The following NPAS2 variants were observed in gnomAD, a reference collection of about 807,000 sequenced individuals.
NPAS2 encodes the protein neuronal PAS domain protein 2.
NPAS2 carries 23 observed loss-of-function variants against 107.5 expected under a neutral mutation model. The ratio of observed to expected loss-of-function variants is 0.21; its 90% CI spans 0.15 to 0.30. The LOEUF (loss-of-function observed/expected upper bound fraction) is 0.30, where lower values mean the gene tolerates loss of function less well. Among genes scored for constraint, NPAS2 ranks in the 10% least tolerant of loss-of-function variants. NPAS2 has a pLI of 1.00. For synonymous variants in NPAS2, 403 were observed against 417.5 expected (o/e 0.97, Z 0.42); for missense variants, 756 against 1,043.3 (o/e 0.72, Z 3.79).
chr2:100,836,018 T>G lies in NPAS2; in HGVS notation c.-23+15604T>G, dbSNP rs191183536. On this transcript the variant is annotated intron_variant, in intron 1 of 20. Transcript: ENST00000335681. Reference sequence around the variant, plus strand: ...GGGGAGTATCTCCGTAGTGATTCACTTAACTGATTAAGGGCAGTTCAGAGC... The same window carrying G: ...GGGGAGTATCTCCGTAGTGATTCACGTAACTGATTAAGGGCAGTTCAGAGC... Among the ~76,000 whole-genome samples, 4 of 152,316 alleles carry G rather than the reference T, an allele frequency of 2.6e-5. No individual in the cohort carries two copies. The East Asian group carries it at 7.7e-4, about 29-fold the overall frequency.
chr2:100,946,157 C>T (rs1479585470), intron 5 of NPAS2, among the ~76,000 whole-genome samples: 1 of 152,202 alleles, frequency 6.6e-6, no homozygotes, highest in East Asian at 1.9e-4. Flanking sequence ...CTGCCACGTG[C>T]TGTTTTATCA....
chr2:100,863,465 T>C (rs1355476404), intron 1 of NPAS2, among the ~76,000 whole-genome samples: 1 of 152,154 alleles, frequency 6.6e-6, no homozygotes, highest in Non-Finnish European at 1.5e-5. Context: ...GGCCACACAG[T>C]CCGTGGGCCC....
Position 100,974,911 on chromosome 2 carries a change from A to G in NPAS2, c.1249A>G (p.Lys417Glu), listed in dbSNP as rs749718303. 105 of 1,613,902 alleles carry G rather than the reference A, an allele frequency of 6.5e-5. 1 individual carries two copies. The South Asian group carries it at 1.1e-3, about 17-fold the overall frequency. Reference sequence around the variant, plus strand: ...ATCGGCGTCCTCAAGAAGTTCCCACAAATCCTCGCACACAGCCATGTCAGA... The same window carrying G: ...ATCGGCGTCCTCAAGAAGTTCCCACGAATCCTCGCACACAGCCATGTCAGA... ...SPSASSRSSH[K>E]SSHTAMSEPT... Residue 417 changes from lysine (K) to glutamate (E), a missense_variant, in exon 13 of 21, where the codon AAA becomes GAA. By Grantham distance (56) the Lys-to-Glu change is moderately conservative. Transcript: ENST00000335681.
chr2:100,917,014 A>T (rs1682921296), intron 2 of NPAS2, among the ~76,000 whole-genome samples: 1 of 152,196 alleles, frequency 6.6e-6, no homozygotes, highest in South Asian at 2.1e-4. Flanking sequence ...GGTTGCCGCT[A>T]CAGCAATGCT....
chr2:100,854,158 CAAAAAAAAAAAA>C (rs70943046), intron 1 of NPAS2, among the ~76,000 whole-genome samples: 13 of 59,596 alleles, frequency 2.2e-4, no homozygotes, highest in South Asian at 9.4e-4. Context: ...CCTGCCTCAA[CAAAAAAAAAAAA>C]AAAAAAAAAA....
intron 1 of NPAS2, among the ~76,000 whole-genome samples, chr2:100,898,330 G>A (rs1681551313): frequency 6.6e-6 from 1 of 152,076 alleles, no homozygotes; most frequent in Non-Finnish European, 1.5e-5. Flanking sequence ...TGATATTATG[G>A]GCATGAGCCA....
In NPAS2 at chr2:100,914,674, C is replaced by T. The variant is rs972020013; in HGVS notation, c.32+9888C>T. ...CTTATTAACAGCCCCTGCCACCAGG[C>T]TTTTATATTCTCTGTTCCCACCCTT... On this transcript the variant is annotated intron_variant, in intron 2 of 20. Transcript: ENST00000335681. Among the ~76,000 whole-genome samples the T allele has an allele frequency of 4.6e-5, 7 of 152,304 alleles. No homozygotes were observed. The South Asian group carries it at 1.2e-3, about 27-fold the overall frequency.
chr2:100,995,067 C>T, intron 20 of NPAS2: 1 of 297,876 alleles, frequency 3.4e-6, no homozygotes, highest in Non-Finnish European at 6.2e-6. Flanking sequence ...CAGGTTCCAT[C>T]ATCCAAAAAC....
At chr2:100,879,775 T>A (rs557761380) in intron 1 of NPAS2, among the ~76,000 whole-genome samples, 61 of 152,334 alleles carry the variant, frequency 4.0e-4, no homozygotes, top group African/African-American at 1.4e-3. Context: ...GGATTTCACT[T>A]TTTTAGGTTA....
chr2:100,855,353 C>G (rs1168585163), intron 1 of NPAS2, among the ~76,000 whole-genome samples: 2 of 152,212 alleles, frequency 1.3e-5, no homozygotes, highest in African/African-American at 4.8e-5. Context: ...TAGCCTGTCT[C>G]ACGAAGGCCT....
At position 100,973,933 on chromosome 2, in the gene NPAS2, C is replaced by T. The variant is rs184825931; in HGVS notation, c.1141-870C>T. Among the ~76,000 whole-genome samples the T allele has an allele frequency of 7.5e-3, 1,136 of 152,312 alleles. 21 individuals are homozygous for T. Among genetic ancestry groups the T allele is most frequent in the African/African-American group, 0.026 (1,085 of 41,552 alleles). ...CTCAGCTCACTGCAACCTCTGCCTC[C>T]GAAGTTCAAACCATTCTCCTGCCTC... On this transcript the variant is annotated intron_variant, in intron 12 of 20. Coordinates refer to ENST00000335681, the MANE Select transcript of NPAS2 (RefSeq NM_002518.4).
At position 100,929,944 on chromosome 2, in the gene NPAS2, G is replaced by A. The variant is rs116763627; in HGVS notation, c.182-2966G>A. ...TCAGCATTGCTATTTTCTCAGCTTC[G>A]GAAATGAATTTTAATCCTGAACTGT... On this transcript the variant is annotated intron_variant, in intron 3 of 20. Coordinates refer to ENST00000335681, the MANE Select transcript of NPAS2 (RefSeq NM_002518.4). 6.7e-3 allele frequency among the ~76,000 whole-genome samples: 1,016 copies of A among 152,268 alleles called. 15 individuals carry two copies. Among genetic ancestry groups the A allele is most frequent in the African/African-American group, 0.022 (923 of 41,552 alleles).
chr2:100,933,045 A>G (rs1389087065), intron 4 of NPAS2, 44 bp downstream of exon 4: 3 of 1,407,980 alleles, frequency 2.1e-6, no homozygotes, highest in South Asian at 1.2e-5. Context: ...GCCAGTTAAA[A>G]TGTAGCTACT....
In NPAS2 at chr2:100,993,982, A is replaced by G. The variant is rs561929316; in HGVS notation, c.2292+455A>G. On this transcript the variant is annotated intron_variant, in intron 20 of 20. Coordinates refer to ENST00000335681, the MANE Select transcript of NPAS2 (RefSeq NM_002518.4). ...AGTGATGTGTGAAATTGGGCTTGCC[A>G]GGAAAATTTGGAGCTCATTTACATG... 3.4e-3 allele frequency: 531 copies of G among 154,768 alleles called. 4 individuals carry two copies. Among genetic ancestry groups the G allele is most frequent in the Middle Eastern group, 9.9e-3 (3 of 302 alleles). The allele number at this position is 154,768 out of a possible 1,614,324, so 9.6% of individuals were successfully genotyped here.
At chr2:100,938,223 A>G (rs1027093105) in intron 5 of NPAS2, among the ~76,000 whole-genome samples, 1 of 152,212 alleles carries the variant, frequency 6.6e-6, no homozygotes, top group African/African-American at 2.4e-5. Flanking sequence ...GGAGAGGACA[A>G]CAGATGGCTT....
rs114905591 is a variant in NPAS2, at chr2:100,947,000, C to G, written c.364-1235C>G. On this transcript the variant is annotated intron_variant, in intron 5 of 20. Transcript: ENST00000335681. ...ATGGGTGGGAAAGAATGCCGATGTT[C>G]AGGACATGTATTCATCTGTGGTCCC... is the stretch of plus-strand genomic sequence containing the variant. Among the ~76,000 whole-genome samples the G allele has an allele frequency of 4.8e-3, 726 of 152,238 alleles. 7 individuals are homozygous for G. The highest frequency in any genetic ancestry group is 0.016 in the African/African-American group (669 of 41,532).
intron 1 of NPAS2, chr2:100,901,711 C>T: frequency 5.1e-6 from 1 of 195,816 alleles, no homozygotes; most frequent in Non-Finnish European, 9.3e-6. Flanking sequence ...TAATTTCCCT[C>T]TTGTCCCTTC....
chr2:100,920,753 G>A (rs1683170644), intron 2 of NPAS2, among the ~76,000 whole-genome samples: 13 of 152,218 alleles, frequency 8.5e-5, no homozygotes, highest in Admixed American at 8.5e-4. Context: ...CTTCTCCCTG[G>A]GAACTGACAC....
intron 6 of NPAS2, among the ~76,000 whole-genome samples, 166 bp from the exon 7 acceptor site, chr2:100,949,201 G>T (rs570871702): frequency 6.6e-6 from 1 of 152,316 alleles, no homozygotes; most frequent in Admixed American, 6.5e-5. Context: ...GGAAACCCCT[G>T]TGCAGCAAGG....
Sources: gnomAD v4.1 joint callset for allele counts (sites outside exome capture counted in the v4.1 genomes callset) on GRCh38, gnomAD v4.1.1 for gene constraint, MANE v1.5 for transcripts, NCBI Gene and HGNC (gene_info 2026-07-23, HGNC 2026-07-21) for gene names.